Variants in NRG2 observed in about 807,000 individuals in gnomAD.
NRG2 encodes pro-neuregulin-2, membrane-bound isoform.
A neutral mutation model predicts 73.9 loss-of-function variants in NRG2; 27 were observed. That is an observed-to-expected ratio of 0.37 (90% CI 0.27 to 0.50). NRG2 has a LOEUF of 0.50. NRG2 is among the 20% of genes least tolerant of loss of function. The pLI is 0.96. For synonymous variants in NRG2, 532 were observed against 541.0 expected (o/e 0.98, Z 0.23); for missense variants, 1,126 against 1,210.1 (o/e 0.93, Z 1.03).
rs978102858 is a variant in NRG2, at chr5:139,870,017, G to C, written c.1112+1704C>G. Among the ~76,000 whole-genome samples, 118 of 152,338 alleles carry C rather than the reference G, an allele frequency of 7.7e-4. No individual in the cohort carries two copies. Among genetic ancestry groups the C allele is most frequent in the African/African-American group, 2.7e-3 (114 of 41,568 alleles). On this transcript the variant is annotated intron_variant, in intron 4 of 9. Transcript: ENST00000361474. The surrounding 1 kb of genome is among the most constrained non-coding windows in gnomAD (Gnocchi z 4.4). The stretch of plus-strand genomic sequence containing the variant: ...GATCCCTTCAAAGTCTGGGGTCCAA[G>C]GGGCTAGGGAAGAGGAGAGACCTAC...
chr5:139,899,481 C>A (rs931087403), intron 1 of NRG2, among the ~76,000 whole-genome samples: 1 of 152,172 alleles, frequency 6.6e-6, no homozygotes, highest in African/African-American at 2.4e-5. Flanking sequence ...TAGATCTAGC[C>A]GGACTCTAGA....
chr5:139,966,241 G>A (rs569495255), intron 1 of NRG2, among the ~76,000 whole-genome samples: 1 of 152,276 alleles, frequency 6.6e-6, no homozygotes, highest in Admixed American at 6.5e-5. Flanking sequence ...ATGGCAGGAA[G>A]TTCTTCAAGG....
intron 1 of NRG2, among the ~76,000 whole-genome samples, chr5:140,012,153 C>G (rs767269087): frequency 1.3e-4 from 20 of 152,160 alleles, no homozygotes; most frequent in Non-Finnish European, 2.4e-4. Flanking sequence ...GTACTTTTCC[C>G]TGTCTTTTTA....
chr5:139,907,007 G>A (rs1005282344), intron 1 of NRG2, among the ~76,000 whole-genome samples: 2 of 152,162 alleles, frequency 1.3e-5, no homozygotes, highest in Non-Finnish European at 2.9e-5. Context: ...GTGTGTGCAT[G>A]TGCACATGTG....
At position 139,915,196 on chromosome 5, in the gene NRG2, T is replaced by C. The variant is rs1227577501; in HGVS notation, c.701-27685A>G. ...AATGGTTGCAAGGGGGCTCTTGTTGTGCTGTAAAATCATTATCTGACAATC... is the reference window on the plus strand; with the variant it reads ...AATGGTTGCAAGGGGGCTCTTGTTGCGCTGTAAAATCATTATCTGACAATC... On this transcript the variant is annotated intron_variant, in intron 1 of 9. Coordinates refer to ENST00000361474, the MANE Select transcript of NRG2 (RefSeq NM_004883.3). The surrounding 1 kb of genome is among the most constrained non-coding windows in gnomAD (Gnocchi z 4.0). Among the ~76,000 whole-genome samples, 1 of 152,236 alleles carries C rather than the reference T, an allele frequency of 6.6e-6. No individual in the cohort carries two copies. Among genetic ancestry groups the C allele is most frequent in the African/African-American group, 2.4e-5 (1 of 41,460 alleles).
At chr5:140,002,420 T>G (rs1223830886) in intron 1 of NRG2, among the ~76,000 whole-genome samples, 2 of 152,100 alleles carry the variant, frequency 1.3e-5, no homozygotes, top group Non-Finnish European at 2.9e-5. Flanking sequence ...GAAATCCTCC[T>G]TGAAAAGGCA....
In NRG2 at chr5:139,868,929, G is replaced by A. The variant is rs539815342; in HGVS notation, c.1112+2792C>T. On this transcript the variant is annotated intron_variant, in intron 4 of 9. Transcript: ENST00000361474. The surrounding 1 kb of genome is among the most constrained non-coding windows in gnomAD (Gnocchi z 4.2). ...AGGCATGCCACTGGTATGTGCACAG[G>A]GCTGGAAAGAGTCTTGTTCTGTCAT... Among the ~76,000 whole-genome samples, 5 of 152,140 alleles carry A rather than the reference G, an allele frequency of 3.3e-5. No individual in the cohort carries two copies. Among genetic ancestry groups the A allele is most frequent in the African/African-American group, 1.2e-4 (5 of 41,466 alleles).
intron 1 of NRG2, among the ~76,000 whole-genome samples, chr5:140,025,098 C>T (rs945594178): frequency 1.3e-5 from 2 of 152,122 alleles, no homozygotes; most frequent in African/African-American, 4.8e-5. Context: ...TTCATTATTT[C>T]AAAACGAAAA....
At chr5:139,848,996 T>C (rs1304373551) in intron 9 of NRG2, among the ~76,000 whole-genome samples, 1 of 152,162 alleles carries the variant, frequency 6.6e-6, no homozygotes, top group Admixed American at 6.5e-5. Flanking sequence ...CTGACCCTGG[T>C]AAGCTTTCAT....
rs543628234 is a variant in NRG2, at chr5:139,988,984, G to A, written c.700+53386C>T. 9.5e-4 allele frequency among the ~76,000 whole-genome samples: 144 copies of A among 151,816 alleles called. 1 individual carries two copies. Among genetic ancestry groups the A allele is most frequent in the African/African-American group, 3.3e-3 (137 of 41,432 alleles). ...TCTTAAATATAATAAAATTGGCCCC[G>A]GTCTCACACCATAAAAAAGAAAGAC... On this transcript the variant is annotated intron_variant, in intron 1 of 9. Coordinates refer to ENST00000361474, the MANE Select transcript of NRG2 (RefSeq NM_004883.3).
chr5:140,027,774 G>T (rs941705400), intron 1 of NRG2, among the ~76,000 whole-genome samples: 2 of 152,144 alleles, frequency 1.3e-5, no homozygotes, highest in African/African-American at 4.8e-5. Context: ...CGCATGGATT[G>T]GGGGGACTAC....
chr5:139,951,813 G>A (rs980813718), intron 1 of NRG2, among the ~76,000 whole-genome samples: 1 of 152,194 alleles, frequency 6.6e-6, no homozygotes, highest in Non-Finnish European at 1.5e-5. Context: ...CCTCCCCCTG[G>A]CTCACCCAGG....
intron 1 of NRG2, among the ~76,000 whole-genome samples, chr5:140,004,306 G>A (rs931958839): frequency 2.6e-5 from 4 of 152,054 alleles, no homozygotes; most frequent in Non-Finnish European, 4.4e-5. Flanking sequence ...GAAAACCACC[G>A]TCAGGCAAAC....
chr5:139,854,751 T>C (rs1328773268), intron 6 of NRG2, among the ~76,000 whole-genome samples: 1 of 152,192 alleles, frequency 6.6e-6, no homozygotes, highest in African/African-American at 2.4e-5. Context: ...ATAAGAACAG[T>C]TGTTACAAAC....
rs1017231607 is a variant in NRG2, at chr5:139,856,635, C to A, written c.1190-857G>T. The stretch of plus-strand genomic sequence containing the variant: ...TGGAGGCTGGACCTCAATGCCTTGG[C>A]AGAGCCCTGGGAAATGTCCCTAACC... On this transcript the variant is annotated intron_variant, in intron 5 of 9. Coordinates refer to ENST00000361474, the MANE Select transcript of NRG2 (RefSeq NM_004883.3). The surrounding 1 kb of genome is among the most constrained non-coding windows in gnomAD (Gnocchi z 4.2). 6.6e-5 allele frequency among the ~76,000 whole-genome samples: 10 copies of A among 152,328 alleles called. No homozygotes were observed. The highest frequency in any genetic ancestry group is 2.4e-4 in the African/African-American group (10 of 41,576).
rs1164805368 is a variant in NRG2, at chr5:139,938,905, AAAAGAAAGAAAGAAAG to A, written c.701-51410_701-51395del. On this transcript the variant is annotated intron_variant, in intron 1 of 9. Transcript: ENST00000361474. Reference sequence around the variant, plus strand: ...GAAGGAAAGAAAGAAAGAAAGAAAGAAAAGAAAGAAAGAAAGAAAGAAAGAAAGAAAGAAAGAAAGA... The same window carrying A: ...GAAGGAAAGAAAGAAAGAAAGAAAGAAAAGAAAGAAAGAAAGAAAGAAAGA... Among the ~76,000 whole-genome samples the A allele has an allele frequency of 2.8e-3, 214 of 75,544 alleles. 1 individual carries two copies. The highest frequency in any genetic ancestry group is 4.3e-3 in the Admixed American group (31 of 7,134). 49.6% of individuals were successfully genotyped at this position (75,544 alleles called of 152,430 possible).
Position 139,904,571 on chromosome 5 carries a change from C to T in NRG2, c.701-17060G>A, listed in dbSNP as rs1022366087. Among the ~76,000 whole-genome samples, 1 of 152,068 alleles carries T rather than the reference C, an allele frequency of 6.6e-6. No homozygotes were observed. The highest frequency in any genetic ancestry group is 6.5e-5 in the Admixed American group (1 of 15,284). ...TCCCCTCCCGCGCCCTCCACCCTCG[C>T]CCCCCCTCCACCGGCTCGGGCCGCG... On this transcript the variant is annotated intron_variant, in intron 1 of 9. Coordinates refer to ENST00000361474, the MANE Select transcript of NRG2 (RefSeq NM_004883.3). The surrounding 1 kb of genome is among the most constrained non-coding windows in gnomAD (Gnocchi z 6.0).
chr5:140,027,338 A>T (rs1324686144), intron 1 of NRG2, among the ~76,000 whole-genome samples: 1 of 152,210 alleles, frequency 6.6e-6, no homozygotes, highest in Non-Finnish European at 1.5e-5. Flanking sequence ...AATAATAGGA[A>T]TTCTACAAAT....
rs1751165360 is a variant in NRG2, at chr5:139,915,296, T to C, written c.701-27785A>G. 6.6e-6 allele frequency among the ~76,000 whole-genome samples: 1 copy of C among 152,160 alleles called. No homozygotes were observed. The highest frequency in any genetic ancestry group is 2.4e-5 in the African/African-American group (1 of 41,424). On this transcript the variant is annotated intron_variant, in intron 1 of 9. Coordinates refer to ENST00000361474, the MANE Select transcript of NRG2 (RefSeq NM_004883.3). The surrounding 1 kb of genome is among the most constrained non-coding windows in gnomAD (Gnocchi z 4.0). ...CCAGCCTTCTCTTTTCCTACTGAGATGGGGTGATTTCGTGGACACAGTACA... is the reference window on the plus strand; with the variant it reads ...CCAGCCTTCTCTTTTCCTACTGAGACGGGGTGATTTCGTGGACACAGTACA...
Sources: gnomAD v4.1 joint callset for allele counts (sites outside exome capture counted in the v4.1 genomes callset) on GRCh38, gnomAD v4.1.1 for gene constraint, Gnocchi (gnomAD v3.1) non-coding constraint, MANE v1.5 for transcripts, NCBI Gene and HGNC (gene_info 2026-07-23, HGNC 2026-07-21) for gene names.